Variants in MYO9A observed in about 807,000 individuals in gnomAD.
MYO9A encodes the protein unconventional myosin-IXa.
Under a neutral mutation model 293.3 loss-of-function variants are expected in MYO9A, and 103 were observed. The ratio of observed to expected loss-of-function variants is 0.35; its 90% confidence interval spans 0.30 to 0.41. The LOEUF (loss-of-function observed/expected upper bound fraction) is 0.41, where lower values mean the gene tolerates loss of function less well. Among genes scored for constraint, MYO9A ranks in the 10% least tolerant of loss-of-function variants. MYO9A has a pLI of 1.00. For synonymous variants in MYO9A, 1,001 were observed against 1,035.7 expected (o/e 0.97, Z 0.64); for missense variants, 2,685 against 3,033.0 (o/e 0.89, Z 2.69).
At chr15:71,940,507 T>C in intron 15 of MYO9A, among the ~76,000 whole-genome samples, 1 of 151,430 alleles carries the variant, frequency 6.6e-6, no homozygotes, top group East Asian at 1.9e-4. Flanking sequence ...GGGGACGGGG[T>C]TGGGGGAGGA....
intron 1 of MYO9A, among the ~76,000 whole-genome samples, chr15:72,106,419 G>A (rs2080570941): frequency 6.6e-6 from 1 of 152,202 alleles, no homozygotes; most frequent in Non-Finnish European, 1.5e-5. Flanking sequence ...TTGAACCCAA[G>A]AGTTCAAGGC....
In MYO9A at chr15:71,826,536, T is replaced by C. The variant is rs371090934; in HGVS notation, c.*44A>G. The C allele has an allele frequency of 2.6e-6, 4 of 1,516,604 alleles. No individual in the cohort carries two copies. The South Asian group carries it at 5.3e-5, about 20-fold the overall frequency. The allele number at this position is 1,516,604 out of a possible 1,614,324, so 93.9% of individuals were successfully genotyped here. On this transcript the variant is annotated 3_prime_UTR_variant, in exon 42 of 42. Coordinates refer to ENST00000356056, the MANE Select transcript of MYO9A (RefSeq NM_006901.4). ...TGAAACGCAGCCCCAAAGGTGAGATTTGTTTACCACTCTGTAGCCACGGAG... is the reference window on the plus strand; with the variant it reads ...TGAAACGCAGCCCCAAAGGTGAGATCTGTTTACCACTCTGTAGCCACGGAG...
chr15:72,020,893 C>A, intron 5 of MYO9A, 25 bp downstream of exon 5: 1 of 1,418,278 alleles, frequency 7.1e-7, no homozygotes, highest in Non-Finnish European at 9.4e-7. Context: ...CCCTATACTT[C>A]AAAATGCTTT....
rs181689471 is a variant in MYO9A at position 71,977,340 on chromosome 15, G to A, written c.1844+831C>T. Among the ~76,000 whole-genome samples, 10 of 152,190 alleles carry A rather than the reference G, an allele frequency of 6.6e-5. No individual in the cohort carries two copies. In the East Asian group the frequency reaches 1.9e-3, roughly 29 times the overall value. ...CAACCTCTGCCTCCTGGGTTCAAGC[G>A]GTTCTCATGCCTCAGCCTCCTAAGT... On this transcript the variant is annotated intron_variant, in intron 12 of 41. Coordinates refer to ENST00000356056, the MANE Select transcript of MYO9A (RefSeq NM_006901.4).
chr15:71,851,353 G>C lies in MYO9A; in HGVS notation c.6481C>G (p.Gln2161Glu). The C allele has an allele frequency of 6.2e-7, 1 of 1,612,910 alleles. No individual in the cohort carries two copies. Among genetic ancestry groups the C allele is most frequent in the Non-Finnish European group, 8.5e-7 (1 of 1,179,228 alleles). The change falls in exon 37 of 42, where the codon CAG becomes GAG. Residue 2161 changes from glutamine (Q) to glutamate (E), a missense_variant. Coordinates refer to ENST00000356056, the MANE Select transcript of MYO9A (RefSeq NM_006901.4). ...CCACGGATTGTCTCCTTCCTCTCCTGAAGGCCTAAAAACAGTAAGAGCAGA... is the reference window on the plus strand; with the variant it reads ...CCACGGATTGTCTCCTTCCTCTCCTCAAGGCCTAAAAACAGTAAGAGCAGA... ...YEEFLRAMGL[Q>E]ERKETIRGVY...
chr15:72,076,336 GATA>G (rs1277741742), intron 1 of MYO9A, among the ~76,000 whole-genome samples: 3 of 150,576 alleles, frequency 2.0e-5, no homozygotes, highest in Admixed American at 6.6e-5. Context: ...ATTAGTCTCA[GATA>G]ATGAGACTTT....
chr15:71,926,110 A>G (rs1400103408), intron 18 of MYO9A, among the ~76,000 whole-genome samples: 1 of 152,124 alleles, frequency 6.6e-6, no homozygotes, highest in Non-Finnish European at 1.5e-5. Context: ...GCAGCAGTGT[A>G]GTCTCTGTGT....
rs369885864 is a variant in MYO9A, at chr15:71,826,689, T to C, written c.7538A>G (p.Lys2513Arg). The C allele has an allele frequency of 9.3e-6, 15 of 1,613,968 alleles. No homozygotes were observed. Among genetic ancestry groups the C allele is most frequent in the South Asian group, 5.5e-5 (5 of 91,092 alleles). Residue 2513 changes from lysine (K) to arginine (R), a missense_variant, in exon 42 of 42, where the codon AAA (lysine) becomes AGA (arginine). Lys to Arg is a conservative substitution (Grantham distance 26). Coordinates refer to ENST00000356056, the MANE Select transcript of MYO9A (RefSeq NM_006901.4). ...KNVKNSPQKT[K>R]ETPEGTVMSG... ...CATGACTGTCCCCTCTGGGGTCTCT[T>C]TGGTTTTCTGAGGTGAGTTTTTCAC...
In MYO9A at chr15:71,898,170, A is replaced by G. The variant is rs1416647789; in HGVS notation, c.4333T>C (p.Leu1445=). 2 of 1,614,010 alleles carry G rather than the reference A, an allele frequency of 1.2e-6. No individual in the cohort carries two copies. Among genetic ancestry groups the G allele is most frequent in the Non-Finnish European group, 1.7e-6 (2 of 1,179,996 alleles). Residue 1445 remains leucine (L), a synonymous_variant, in exon 25 of 42, where the codon TTG becomes CTG. Coordinates refer to ENST00000356056, the MANE Select transcript of MYO9A (RefSeq NM_006901.4). ...TCCCCCGCTGTGTCTTCATTTTCCAATAGTTTGTTTCTTTGGATACTTGTG... is the reference window on the plus strand; with the variant it reads ...TCCCCCGCTGTGTCTTCATTTTCCAGTAGTTTGTTTCTTTGGATACTTGTG... The part of the protein sequence containing the change: ...LDTSIQRNKL[L]ENEDTAGEAL...
intron 1 of MYO9A, among the ~76,000 whole-genome samples, chr15:72,077,766 TATATATATA>T (rs2079416704): frequency 7.3e-6 from 1 of 137,284 alleles, no homozygotes; most frequent in Non-Finnish European, 1.6e-5. Flanking sequence ...TATATATATA[TATATATATA>T]TATATAAACA....
intron 1 of MYO9A, among the ~76,000 whole-genome samples, chr15:72,101,912 G>A (rs941218091): frequency 6.6e-6 from 1 of 152,146 alleles, no homozygotes; most frequent in African/African-American, 2.4e-5. Context: ...CGGGAGGTGA[G>A]GGGCGCCTCT....
intron 20 of MYO9A, among the ~76,000 whole-genome samples, chr15:71,904,306 G>C (rs1040105175): frequency 6.6e-6 from 1 of 152,156 alleles, no homozygotes; most frequent in East Asian, 1.9e-4. Flanking sequence ...GGCTCAAAAA[G>C]AATGTAGTCA....
chr15:71,852,002 C>T, intron 36 of MYO9A, 130 bp downstream of exon 36: 1 of 1,083,760 alleles, frequency 9.2e-7, no homozygotes, highest in Non-Finnish European at 1.3e-6. Flanking sequence ...GTTTTGTATT[C>T]ACTGTCAAAA....
intron 39 of MYO9A, among the ~76,000 whole-genome samples, chr15:71,844,824 G>A (rs1272741116): frequency 6.6e-6 from 1 of 152,150 alleles, no homozygotes; most frequent in Non-Finnish European, 1.5e-5. Flanking sequence ...GAATTGCATT[G>A]CCTTTAGTAA....
intron 33 of MYO9A, among the ~76,000 whole-genome samples, chr15:71,861,208 T>C (rs1456219854): frequency 1.3e-5 from 2 of 151,000 alleles, no homozygotes; most frequent in Non-Finnish European, 3.0e-5. Flanking sequence ...AGTAAATATA[T>C]AGTAATAGTG....
At chr15:72,043,244 T>C (rs2078279892) in intron 2 of MYO9A, among the ~76,000 whole-genome samples, 1 of 152,154 alleles carries the variant, frequency 6.6e-6, no homozygotes, top group African/African-American at 2.4e-5. Context: ...AGATAAATCT[T>C]ACCAAAGATG....
At chr15:72,088,208 G>A (rs1288601816) in intron 1 of MYO9A, among the ~76,000 whole-genome samples, 2 of 152,116 alleles carry the variant, frequency 1.3e-5, no homozygotes, top group Non-Finnish European at 2.9e-5. Context: ...TTTTGTTATG[G>A]CAGCCCCAGC....
At chr15:71,827,071 A>G (rs1382443970) in intron 41 of MYO9A, 28 bp from the exon 42 acceptor site, 1 of 1,482,992 alleles carries the variant, frequency 6.7e-7, no homozygotes, top group South Asian at 1.3e-5. Flanking sequence ...CCAAAGATGT[A>G]AATGACAGTG....
chr15:71,877,612 C>T (rs1297884569), intron 31 of MYO9A, among the ~76,000 whole-genome samples: 1 of 152,140 alleles, frequency 6.6e-6, no homozygotes, highest in Non-Finnish European at 1.5e-5. Flanking sequence ...CGCCTGCCAT[C>T]ATGCCCAGCT....
Sources: allele counts gnomAD v4.1 joint callset (sites outside exome capture counted in the v4.1 genomes callset), GRCh38; gene constraint gnomAD v4.1.1; transcripts MANE v1.5; gene names NCBI Gene and HGNC (gene_info 2026-07-23, HGNC 2026-07-21).